The following SYTL5 variants were observed in gnomAD, a reference collection of about 807,000 sequenced individuals.
SYTL5 encodes the protein synaptotagmin like 5.
A neutral mutation model predicts 55.9 loss-of-function variants in SYTL5; 34 were observed. The ratio of observed to expected loss-of-function variants is 0.61; its 90% CI spans 0.46 to 0.81. SYTL5 has a LOEUF of 0.81. Ranked by LOEUF, SYTL5 falls within the 30% of genes least tolerant of loss-of-function variation. The probability of loss-of-function intolerance (pLI) is 0.00; values close to 1 mark genes in which losing one functional copy is unlikely to be tolerated. For synonymous variants in SYTL5, 221 were observed against 188.7 expected (o/e 1.17, Z -1.40); for missense variants, 637 against 546.7 (o/e 1.17, Z -1.65).
rs902847744 is a variant in SYTL5 at position 38,031,001 on chromosome X, G to T, written c.-356-2533G>T. On this transcript the variant is annotated intron_variant, in intron 1 of 16. Coordinates refer to ENST00000297875, the MANE Select transcript of SYTL5 (RefSeq NM_138780.3). ...GTTTTTTGTTTTTGTTTTTTTTAGGGACCTGCAGCAAAGTTTGTAACTGAC... is the reference window on the plus strand; with the variant it reads ...GTTTTTTGTTTTTGTTTTTTTTAGGTACCTGCAGCAAAGTTTGTAACTGAC... 4.5e-5 allele frequency among the ~76,000 whole-genome samples: 5 copies of T among 111,380 alleles called. No individual in the cohort carries two copies. The Admixed American group carries it at 4.8e-4, about 11-fold the overall frequency.
At chrX:38,011,656 A>G (rs1375994441) in intron 1 of SYTL5, among the ~76,000 whole-genome samples, 1 of 109,083 alleles carries the variant, frequency 9.2e-6, no homozygotes, top group Non-Finnish European at 1.9e-5. Flanking sequence ...AAGAGAGTAT[A>G]TTATATTGTT....
chrX:38,058,386 A>G (rs1030784537), intron 3 of SYTL5, among the ~76,000 whole-genome samples: 9 of 111,402 alleles, frequency 8.1e-5, no homozygotes, highest in African/African-American at 2.9e-4. Context: ...TAGATTTACT[A>G]CAGAGTTACC....
chrX:38,089,974 G>T (rs1259012820), intron 7 of SYTL5, among the ~76,000 whole-genome samples: 2 of 111,741 alleles, frequency 1.8e-5, no homozygotes, highest in East Asian at 5.6e-4. Context: ...CTGCAGCATG[G>T]CTAGGTTTCA....
At chrX:37,961,735 T>C in the SYTL5 span, among the ~76,000 whole-genome samples, 1 of 112,479 alleles carries the variant, frequency 8.9e-6, no homozygotes, top group Admixed American at 9.4e-5. Flanking sequence ...GGGGATATTG[T>C]AAATCATATA....
Position 38,122,195 on chromosome X carries a change from T to G in SYTL5, c.1821T>G (p.Thr607=), listed in dbSNP as rs772115061. ...KNLTAVKSGG[T]SDSFVKGYLL... ...TGACAGCAGTGAAGTCAGGAGGCAC[T>G]TCTGATAGCTTTGTGAAGGGGTAAC... is the stretch of plus-strand genomic sequence containing the variant. The change falls in exon 15 of 17, where the codon ACT becomes ACG. Residue 607 remains threonine, a synonymous_variant. Transcript: ENST00000297875. 1 of 1,206,533 alleles carries G rather than the reference T, an allele frequency of 8.3e-7. No individual in the cohort carries two copies. The highest frequency in any genetic ancestry group is 2.2e-5 in the Admixed American group (1 of 45,522).
intron 9 of SYTL5, among the ~76,000 whole-genome samples, chrX:38,101,465 G>A (rs1414771210): frequency 9.0e-6 from 1 of 110,938 alleles, no homozygotes; most frequent in Non-Finnish European, 1.9e-5. Flanking sequence ...ATTTGTGTAT[G>A]TTTTTATATG....
At chrX:38,094,487 C>T in intron 8 of SYTL5, 63 bp downstream of exon 8, 20 of 1,090,805 alleles carry the variant, frequency 1.8e-5, no homozygotes, top group Non-Finnish European at 2.5e-5. Flanking sequence ...GAATTGACTG[C>T]TATGTGTGGT....
At chrX:37,959,543 G>A in the SYTL5 span, among the ~76,000 whole-genome samples, 4 of 111,597 alleles carry the variant, frequency 3.6e-5, no homozygotes, top group Non-Finnish European at 7.5e-5. Context: ...GGGCCATCTG[G>A]CTCAAAGGTT....
chrX:38,048,046 C>T (rs1164049652), intron 2 of SYTL5, among the ~76,000 whole-genome samples: 4 of 110,215 alleles, frequency 3.6e-5, no homozygotes, highest in African/African-American at 9.9e-5. Context: ...ATTAGCCAGG[C>T]GTGGTGGTGG....
At chrX:37,895,469 C>T in the SYTL5 span, among the ~76,000 whole-genome samples, 4 of 88,735 alleles carry the variant, frequency 4.5e-5, no homozygotes, top group Non-Finnish European at 8.1e-5. Flanking sequence ...TCCCTCCCTC[C>T]CTCCCTCTCT....
the SYTL5 span, among the ~76,000 whole-genome samples, chrX:37,993,464 C>T: frequency 1.8e-5 from 2 of 112,002 alleles, no homozygotes; most frequent in African/African-American, 3.2e-5. Flanking sequence ...CTGGGTATAA[C>T]ATTGTGACCT....
At chrX:38,041,422 A>G (rs982572029) in intron 2 of SYTL5, among the ~76,000 whole-genome samples, 4 of 112,096 alleles carry the variant, frequency 3.6e-5, no homozygotes, top group Non-Finnish European at 7.5e-5. Flanking sequence ...CCCATAAAAC[A>G]CCAGGAGAAC....
chrX:38,082,776 A>G (rs1451560834), intron 6 of SYTL5, among the ~76,000 whole-genome samples: 1 of 112,150 alleles, frequency 8.9e-6, no homozygotes, highest in Non-Finnish European at 1.9e-5. Context: ...TAGGAAGAGC[A>G]TTCTACACAG....
At chrX:38,045,119 C>A (rs1935419934) in intron 2 of SYTL5, among the ~76,000 whole-genome samples, 1 of 111,578 alleles carries the variant, frequency 9.0e-6, no homozygotes, top group South Asian at 3.7e-4. Context: ...GTAGGGAAAG[C>A]AACACAGGAA....
chrX:37,903,716 A>G, the SYTL5 span, among the ~76,000 whole-genome samples: 14 of 111,961 alleles, frequency 1.3e-4, no homozygotes, highest in African/African-American at 4.5e-4. Flanking sequence ...ATAAATAAAA[A>G]TAATAAAATT....
intron 1 of SYTL5, among the ~76,000 whole-genome samples, chrX:38,012,193 C>G (rs1934213773): frequency 8.9e-6 from 1 of 112,005 alleles, no homozygotes; most frequent in Non-Finnish European, 1.9e-5. Flanking sequence ...AATAAGAACA[C>G]GTCTGGTTCA....
chrX:38,118,296 C>T (rs1283209207), intron 13 of SYTL5, among the ~76,000 whole-genome samples: 2 of 112,037 alleles, frequency 1.8e-5, no homozygotes, highest in African/African-American at 6.5e-5. Flanking sequence ...AAGGGAAAGT[C>T]AGGCAAGGAT....
At chrX:38,076,070 G>T (rs1439553218) in intron 5 of SYTL5, among the ~76,000 whole-genome samples, 1 of 111,905 alleles carries the variant, frequency 8.9e-6, no homozygotes, top group African/African-American at 3.2e-5. Context: ...GAGTTGGTTG[G>T]ATTCCAGTAT....
chrX:38,015,275 A>T (rs985547023), intron 1 of SYTL5, among the ~76,000 whole-genome samples: 11 of 112,576 alleles, frequency 9.8e-5, no homozygotes, highest in African/African-American at 3.5e-4. Flanking sequence ...AATGCGAAGC[A>T]TGTAATTATT....
Sources: allele counts gnomAD v4.1 joint callset (sites outside exome capture counted in the v4.1 genomes callset), GRCh38; gene constraint gnomAD v4.1.1; transcripts MANE v1.5; gene names NCBI Gene and HGNC (gene_info 2026-07-23, HGNC 2026-07-21).